WDR70: variants seen among roughly 807,000 people sequenced by gnomAD.
WDR70 encodes WD repeat-containing protein 70.
A neutral mutation model predicts 88.6 loss-of-function variants in WDR70; 53 were observed. The ratio of observed to expected loss-of-function variants is 0.60; its 90% CI spans 0.48 to 0.75. WDR70 has a LOEUF of 0.75. WDR70 is among the 30% of genes least tolerant of loss of function. The probability of loss-of-function intolerance (pLI) is 0.00; values close to 1 mark genes in which losing one functional copy is unlikely to be tolerated. For missense variants in WDR70, 610 were observed against 823.2 expected (o/e 0.74, Z 3.17); for synonymous variants, 280 against 270.0 (o/e 1.04, Z -0.36).
At chr5:37,730,595 T>C (rs1748118818) in intron 17 of WDR70, among the ~76,000 whole-genome samples, 1 of 152,158 alleles carries the variant, frequency 6.6e-6, no homozygotes, top group Admixed American at 6.5e-5. Flanking sequence ...CAACCATTCT[T>C]CTATGTAAGG....
chr5:37,505,286 T>C (rs1223607333), intron 8 of WDR70, among the ~76,000 whole-genome samples: 1 of 152,226 alleles, frequency 6.6e-6, no homozygotes, highest in African/African-American at 2.4e-5. Context: ...TAAATGAATA[T>C]TAATGATGTA....
chr5:37,445,181 C>T (rs1449046594), intron 7 of WDR70, among the ~76,000 whole-genome samples: 1 of 152,070 alleles, frequency 6.6e-6, no homozygotes, highest in Non-Finnish European at 1.5e-5. Context: ...AGCTGTTTCA[C>T]TGTTAGTGAC....
At chr5:37,686,389 A>T (rs896869754) in intron 10 of WDR70, among the ~76,000 whole-genome samples, 1 of 152,110 alleles carries the variant, frequency 6.6e-6, no homozygotes, top group South Asian at 2.1e-4. Context: ...CAGAGAAGAA[A>T]AACTAGATTT....
chr5:37,670,440 G>A (rs993555529), intron 10 of WDR70, among the ~76,000 whole-genome samples: 2 of 152,160 alleles, frequency 1.3e-5, no homozygotes, highest in East Asian at 1.9e-4. Flanking sequence ...TCCATACCAA[G>A]ATACAAAGTA....
chr5:37,593,233 G>T (rs1258344218), intron 9 of WDR70, among the ~76,000 whole-genome samples: 1 of 152,132 alleles, frequency 6.6e-6, no homozygotes, highest in Non-Finnish European at 1.5e-5. Flanking sequence ...AGGTATACAT[G>T]TGCCATGTTG....
At chr5:37,595,972 C>T (rs928715319) in intron 9 of WDR70, among the ~76,000 whole-genome samples, 4 of 151,654 alleles carry the variant, frequency 2.6e-5, no homozygotes, top group African/African-American at 9.7e-5. Flanking sequence ...ATAGCCAGCG[C>T]TTTCTTTGAA....
intron 5 of WDR70, among the ~76,000 whole-genome samples, chr5:37,427,401 T>TA (rs879511212): frequency 3.6e-4 from 38 of 104,148 alleles, no homozygotes; most frequent in African/African-American, 1.1e-3. Context: ...AAATAAAAAA[T>TA]AAAAAAAAAA....
chr5:37,550,831 C>G (rs530091634), intron 9 of WDR70, among the ~76,000 whole-genome samples: 9 of 152,096 alleles, frequency 5.9e-5, no homozygotes, highest in African/African-American at 2.2e-4. Flanking sequence ...TCTTTCCTTC[C>G]TGTCTGTTTC....
chr5:37,453,164 G>A (rs1738726178), intron 7 of WDR70, among the ~76,000 whole-genome samples: 1 of 152,032 alleles, frequency 6.6e-6, no homozygotes, highest in Non-Finnish European at 1.5e-5. Flanking sequence ...TTTCTTTCTT[G>A]CCGAGACCAG....
chr5:37,629,712 T>G (rs1464791252), intron 10 of WDR70, among the ~76,000 whole-genome samples: 2 of 152,226 alleles, frequency 1.3e-5, no homozygotes, highest in Non-Finnish European at 2.9e-5. Flanking sequence ...TTTATCTGTA[T>G]TCTCTTGTAT....
At chr5:37,394,388 T>TTTGTTTAGTC (rs1231184211) in intron 4 of WDR70, among the ~76,000 whole-genome samples, 1 of 152,096 alleles carries the variant, frequency 6.6e-6, no homozygotes, top group East Asian at 1.9e-4. Flanking sequence ...TTAATATAAA[T>TTTGTTTAGTC]TTGTTTAGTC....
At chr5:37,689,053 G>C (rs953515793) in intron 10 of WDR70, among the ~76,000 whole-genome samples, 3 of 152,186 alleles carry the variant, frequency 2.0e-5, no homozygotes, top group African/African-American at 7.2e-5. Flanking sequence ...TGGCTCGGCG[G>C]GTCCCACACC....
chr5:37,490,277 G>T (rs1004238573), intron 8 of WDR70, among the ~76,000 whole-genome samples: 1 of 152,182 alleles, frequency 6.6e-6, no homozygotes, highest in South Asian at 2.1e-4. Context: ...GTCCTGGATA[G>T]TGTCCTTGGG....
At chr5:37,528,076 C>T (rs1303148859) in intron 9 of WDR70, among the ~76,000 whole-genome samples, 2 of 152,166 alleles carry the variant, frequency 1.3e-5, no homozygotes, top group Non-Finnish European at 2.9e-5. Context: ...TGTGGTGATT[C>T]CTCGAGGATC....
At chr5:37,643,511 T>G (rs1040520061) in intron 10 of WDR70, among the ~76,000 whole-genome samples, 1 of 151,840 alleles carries the variant, frequency 6.6e-6, no homozygotes, top group Non-Finnish European at 1.5e-5. Flanking sequence ...TTTTTTTTTT[T>G]CTATTTCTGT....
intron 3 of WDR70, 187 bp downstream of exon 3, chr5:37,381,872 G>GGT: frequency 2.4e-6 from 1 of 410,476 alleles, no homozygotes. Flanking sequence ...TGGCCAACAT[G>GGT]GTGAAACCCC....
At chr5:37,699,028 C>T (rs2112653956) in intron 11 of WDR70, among the ~76,000 whole-genome samples, 1 of 152,160 alleles carries the variant, frequency 6.6e-6, no homozygotes, top group Admixed American at 6.5e-5. Flanking sequence ...TGGTTCTCAT[C>T]CCAGTAGTGT....
chr5:37,751,022 C>T (rs1748791840), intron 17 of WDR70, among the ~76,000 whole-genome samples: 1 of 152,202 alleles, frequency 6.6e-6, no homozygotes, highest in African/African-American at 2.4e-5. Context: ...CATTGATGAG[C>T]TGGTGTCCTA....
At chr5:37,645,187 T>TG (rs1312645617) in intron 10 of WDR70, among the ~76,000 whole-genome samples, 2 of 151,894 alleles carry the variant, frequency 1.3e-5, no homozygotes, top group Non-Finnish European at 2.9e-5. Flanking sequence ...GGTACCATTT[T>TG]TTTTTTTCAA....
Sources: gnomAD v4.1 joint callset for allele counts (sites outside exome capture counted in the v4.1 genomes callset) on GRCh38, gnomAD v4.1.1 for gene constraint, MANE v1.5 for transcripts, NCBI Gene and HGNC (gene_info 2026-07-23, HGNC 2026-07-21) for gene names.